Variants in PDE6C observed in about 807,000 individuals in gnomAD.
PDE6C encodes the protein phosphodiesterase 6C, also known as cone cGMP-specific 3',5'-cyclic phosphodiesterase subunit alpha'.
In PDE6C, 75 loss-of-function variants were observed where a neutral mutation model predicts 113.1. The ratio of observed to expected loss-of-function variants is 0.66; its 90% CI spans 0.55 to 0.80. The LOEUF is 0.80. PDE6C is among the 30% of genes least tolerant of loss of function. The pLI, the probability that PDE6C is intolerant of heterozygous loss-of-function variation, is 0.00. For missense variants in PDE6C, 912 were observed against 1,038.6 expected, an observed-to-expected ratio of 0.88 and a Z score of 1.67; for synonymous variants, 375 against 363.7, an observed-to-expected ratio of 1.03 and a Z score of -0.35.
chr10:93,613,579 C>T (rs1043367502), intron 1 of PDE6C, among the ~76,000 whole-genome samples: 1 of 152,174 alleles, frequency 6.6e-6, no homozygotes, highest in African/African-American at 2.4e-5. Flanking sequence ...CAAACTACCC[C>T]ACTAGGGAGA....
chr10:93,613,637 C>T (rs1246487857), intron 1 of PDE6C, among the ~76,000 whole-genome samples: 1 of 152,172 alleles, frequency 6.6e-6, no homozygotes. Context: ...CTCCCCATGC[C>T]TCTCATTCAC....
At chr10:93,622,129 A>C (rs2058449767) in intron 4 of PDE6C, 57 bp downstream of exon 4, 3 of 1,491,034 alleles carry the variant, frequency 2.0e-6, no homozygotes, top group Non-Finnish European at 9.3e-7. Context: ...AACACACACC[A>C]CAGGAAATGT....
Position 93,635,716 on chromosome 10 carries a change from G to A in PDE6C, c.1413+76G>A, listed in dbSNP as rs568067326. 13 of 1,480,468 alleles carry A rather than the reference G, an allele frequency of 8.8e-6. No homozygotes were observed. The African/African-American group carries it at 1.1e-4, about 13-fold the overall frequency. 91.7% of individuals were successfully genotyped at this position (1,480,468 alleles called of 1,614,324 possible). A position where few individuals can be genotyped will look rare whatever the true frequency, so the allele number is the denominator to read the frequency against. On this transcript the variant is annotated intron_variant, in intron 10 of 21. Coordinates refer to ENST00000371447, the MANE Select transcript of PDE6C (RefSeq NM_006204.4). ...TTCTAGAAGTCATCTAATTACCCAG[G>A]GGTCTGACAAATGCAAATGGTTTAC... is the stretch of plus-strand genomic sequence containing the variant.
chr10:93,636,535 C>A (rs2058532321), intron 10 of PDE6C, among the ~76,000 whole-genome samples: 1 of 151,802 alleles, frequency 6.6e-6, no homozygotes, highest in African/African-American at 2.4e-5. Flanking sequence ...ATAAAAGGAA[C>A]TGTGATAAGC....
Position 93,620,699 on chromosome 10 carries a change from C to T in PDE6C, c.548C>T (p.Pro183Leu), listed in dbSNP as rs753424342. 8 of 1,613,988 alleles carry T rather than the reference C, an allele frequency of 5.0e-6. No individual in the cohort carries two copies. Among genetic ancestry groups the T allele is most frequent in the South Asian group, 2.2e-5 (2 of 91,088 alleles). Residue 183 changes from proline to leucine, a missense_variant, in exon 2 of 22, where the codon CCG becomes CTG. By Grantham distance (98) the Pro-to-Leu change is moderately conservative. Coordinates refer to ENST00000371447, the MANE Select transcript of PDE6C (RefSeq NM_006204.4). ...GTCACTAAGAACCTGCTGGCAACCC[C>T]GATCGTGGTGGGCAAGGAGGTTCTT... ...GYVTKNLLATPIVVGKEVLAV... is the reference protein window; with the variant it reads ...GYVTKNLLATLIVVGKEVLAV...
intron 18 of PDE6C, among the ~76,000 whole-genome samples, chr10:93,661,303 G>T (rs192588193): frequency 6.6e-6 from 1 of 152,128 alleles, no homozygotes; most frequent in African/African-American, 2.4e-5. Context: ...AGCTTTGTAC[G>T]TTCCATTTTA....
At chr10:93,657,328 ATTTTTT>A (rs71031526) in intron 16 of PDE6C, among the ~76,000 whole-genome samples, 7 of 88,286 alleles carry the variant, frequency 7.9e-5, no homozygotes, top group Non-Finnish European at 1.0e-4. Context: ...CGCCTGGCTA[ATTTTTT>A]TTTTTTTTTT....
At chr10:93,663,320 T>A in intron 21 of PDE6C, 142 bp downstream of exon 21, 1 of 842,550 alleles carries the variant, frequency 1.2e-6, no homozygotes, top group Non-Finnish European at 1.9e-6. Context: ...ACAGGCCGAT[T>A]AGTGGTTTTC....
intron 4 of PDE6C, among the ~76,000 whole-genome samples, chr10:93,625,090 C>A (rs950606119): frequency 1.3e-5 from 2 of 152,120 alleles, no homozygotes; most frequent in African/African-American, 4.8e-5. Context: ...TCATGTAGAC[C>A]ACTCATGGGC....
chr10:93,620,429 C>T lies in PDE6C; in HGVS notation c.481-203C>T, dbSNP rs527508173. Among the ~76,000 whole-genome samples, 11 of 152,228 alleles carry T rather than the reference C, an allele frequency of 7.2e-5. No individual in the cohort carries two copies. The East Asian group carries it at 1.5e-3, about 21-fold the overall frequency. On this transcript the variant is annotated intron_variant, in intron 1 of 21. Transcript: ENST00000371447. ...AATAGGCCATAGCTCAGGTTGGCAG[C>T]GCTTATTCTGAAATGGGCAATTCCA... is the stretch of plus-strand genomic sequence containing the variant.
intron 15 of PDE6C, 97 bp from the exon 16 acceptor site, chr10:93,655,663 G>C: frequency 1.8e-6 from 1 of 554,958 alleles, no homozygotes; most frequent in Non-Finnish European, 3.4e-6. Context: ...ACAAAAAAGT[G>C]TTGAAAGACT....
rs1043842368 is a variant in PDE6C at position 93,648,901 on chromosome 10, C to A, written c.1935+2854C>A. 2.6e-5 allele frequency among the ~76,000 whole-genome samples: 4 copies of A among 152,114 alleles called. No homozygotes were observed. In the East Asian group the frequency reaches 7.7e-4, roughly 29 times the overall value. ...TTCATATCAACCGCATCAGCCTGCCCCATTTTACACATAGAAATGTGAAGG... is the reference window on the plus strand; with the variant it reads ...TTCATATCAACCGCATCAGCCTGCCACATTTTACACATAGAAATGTGAAGG... On this transcript the variant is annotated intron_variant, in intron 15 of 21. Coordinates refer to ENST00000371447, the MANE Select transcript of PDE6C (RefSeq NM_006204.4).
intron 15 of PDE6C, among the ~76,000 whole-genome samples, chr10:93,655,083 T>C (rs1443153941): frequency 6.6e-6 from 1 of 152,086 alleles, no homozygotes; most frequent in African/African-American, 2.4e-5. Flanking sequence ...CCCAAAGTGC[T>C]ACAAGCATGA....
At chr10:93,652,854 G>T (rs2058615683) in intron 15 of PDE6C, among the ~76,000 whole-genome samples, 1 of 152,122 alleles carries the variant, frequency 6.6e-6, no homozygotes, top group Admixed American at 6.5e-5. Flanking sequence ...CTGACACTTG[G>T]TAGAGACGAG....
At chr10:93,637,603 T>C (rs1337298630) in intron 11 of PDE6C, among the ~76,000 whole-genome samples, 1 of 152,240 alleles carries the variant, frequency 6.6e-6, no homozygotes. Flanking sequence ...GCTCAATAAG[T>C]TCGTAATTTC....
intron 16 of PDE6C, among the ~76,000 whole-genome samples, chr10:93,656,072 C>T (rs1033611678): frequency 6.6e-6 from 1 of 152,056 alleles, no homozygotes; most frequent in Non-Finnish European, 1.5e-5. Context: ...ATTTACTAGA[C>T]CTCTGGGAAC....
intron 13 of PDE6C, 116 bp downstream of exon 13, chr10:93,640,673 C>A: frequency 2.5e-6 from 2 of 808,960 alleles, no homozygotes; most frequent in South Asian, 1.4e-5. Flanking sequence ...AGGGCACAAA[C>A]CCCTCTCCGC....
Position 93,634,777 on chromosome 10 carries a change from C to G in PDE6C, c.1139C>G (p.Thr380Ser). 5.0e-6 allele frequency: 8 copies of G among 1,614,042 alleles called. No individual in the cohort carries two copies. Among genetic ancestry groups the G allele is most frequent in the Non-Finnish European group, 6.8e-6 (8 of 1,179,974 alleles). The change falls in exon 9 of 22, where the codon ACT (threonine) becomes AGT (serine). Residue 380 changes from threonine to serine, a missense_variant. Physicochemically the swap from Thr to Ser is moderately conservative, Grantham distance 58 (BLOSUM62 1). Coordinates refer to ENST00000371447, the MANE Select transcript of PDE6C (RefSeq NM_006204.4). ...FTFQKGPVDE[T>S]GWVIKNVLSL... is the part of the protein sequence containing the mutation. ...TTGTAGAAAGGACCTGTAGACGAAA[C>G]TGGTTGGGTCATTAAGAATGTTTTG...
intron 10 of PDE6C, 23 bp downstream of exon 10, chr10:93,635,663 T>C (rs763879014): frequency 2.6e-5 from 42 of 1,611,876 alleles, no homozygotes; most frequent in Non-Finnish European, 3.6e-5. Context: ...TTCAGTCCTG[T>C]GGACATAAGA....
Sources: allele counts gnomAD v4.1 joint callset (sites outside exome capture counted in the v4.1 genomes callset), GRCh38; gene constraint gnomAD v4.1.1; transcripts MANE v1.5; gene names NCBI Gene and HGNC (gene_info 2026-07-23, HGNC 2026-07-21).